DLGAP2: variants seen among roughly 807,000 people sequenced by gnomAD.
DLGAP2 encodes the protein disks large-associated protein 2.
DLGAP2 carries 26 observed loss-of-function variants against 100.3 expected under a neutral mutation model. That is an observed-to-expected ratio of 0.26 (90% CI 0.19 to 0.36). The LOEUF is 0.36. Ranked by LOEUF, DLGAP2 falls within the 10% of genes least tolerant of loss-of-function variation. The probability of loss-of-function intolerance (pLI) is 1.00; values close to 1 mark genes in which losing one functional copy is unlikely to be tolerated. For missense variants in DLGAP2, 1,858 were observed against 1,453.2 expected, an observed-to-expected ratio of 1.28 and a Z score of -4.53; for synonymous variants, 886 against 630.1, an observed-to-expected ratio of 1.41 and a Z score of -6.08.
rs773233596 is a variant in DLGAP2, at chr8:1,549,667, C to G, written c.1214C>G (p.Pro405Arg). Residue 405 changes from proline (P) to arginine (R), a missense_variant, in exon 5 of 15, where the codon CCG becomes CGG. Physicochemically the swap from Pro to Arg is moderately radical, Grantham distance 103. Coordinates refer to ENST00000637795, the MANE Select transcript of DLGAP2 (RefSeq NM_001346810.2). ...CAGGACGCCAAGCCCGCCCTGAGGC[C>G]GTGCCACTACCTCCAGGTAAGCAGG... The part of the protein sequence containing the change: ...LHQDAKPALR[P>R]CHYLQVPQDE... The G allele has an allele frequency of 1.5e-5, 23 of 1,552,976 alleles. No individual in the cohort carries two copies. Among genetic ancestry groups the G allele is most frequent in the Middle Eastern group, 1.7e-4 (1 of 6,004 alleles).
At chr8:1,499,286 G>T (rs1563184866) in intron 3 of DLGAP2, among the ~76,000 whole-genome samples, 1 of 152,220 alleles carries the variant, frequency 6.6e-6, no homozygotes, top group African/African-American at 2.4e-5. Flanking sequence ...ACTGGGTGAT[G>T]TTGGCCCATC....
intron 3 of DLGAP2, among the ~76,000 whole-genome samples, chr8:1,481,968 G>A (rs893483875): frequency 6.6e-6 from 1 of 152,214 alleles, no homozygotes; most frequent in Non-Finnish European, 1.5e-5. Context: ...GGCCAGGTAG[G>A]AGGGGCCCCA....
intron 1 of DLGAP2, among the ~76,000 whole-genome samples, chr8:787,217 C>G (rs1821891413): frequency 6.6e-6 from 1 of 152,164 alleles, no homozygotes; most frequent in Non-Finnish European, 1.5e-5. Flanking sequence ...TGCTGTATGT[C>G]TTTCCTGTCT....
At chr8:844,294 G>A (rs948064822) in intron 1 of DLGAP2, among the ~76,000 whole-genome samples, 2 of 152,156 alleles carry the variant, frequency 1.3e-5, no homozygotes, top group African/African-American at 4.8e-5. Flanking sequence ...TTATTGAACT[G>A]TAACATACCT....
chr8:1,543,576 C>G (rs937878650), intron 4 of DLGAP2, among the ~76,000 whole-genome samples: 5 of 152,226 alleles, frequency 3.3e-5, no homozygotes, highest in African/African-American at 9.6e-5. Flanking sequence ...CTTTTGATTA[C>G]TATCACTTTG....
At chr8:744,482 T>G (rs1820565746) in intron 1 of DLGAP2, among the ~76,000 whole-genome samples, 1 of 152,188 alleles carries the variant, frequency 6.6e-6, no homozygotes, top group Admixed American at 6.5e-5. Context: ...TCCCTCCCTC[T>G]TCTCCGGCCA....
intron 3 of DLGAP2, among the ~76,000 whole-genome samples, chr8:1,260,278 A>G (rs1289976593): frequency 2.6e-5 from 4 of 151,944 alleles, no homozygotes; most frequent in Non-Finnish European, 4.4e-5. Flanking sequence ...TCATGCTTTG[A>G]GTTCATTTTT....
intron 3 of DLGAP2, among the ~76,000 whole-genome samples, chr8:1,469,703 T>G (rs1316284025): frequency 6.6e-6 from 1 of 152,206 alleles, no homozygotes; most frequent in African/African-American, 2.4e-5. Context: ...GAGAATTCTT[T>G]TTTGTATTAA....
intron 2 of DLGAP2, among the ~76,000 whole-genome samples, chr8:1,005,293 A>C (rs1563139482): frequency 6.6e-6 from 1 of 151,846 alleles, no homozygotes; most frequent in Non-Finnish European, 1.5e-5. Context: ...TGTGACTTCT[A>C]CTCAGAAAGT....
intron 2 of DLGAP2, among the ~76,000 whole-genome samples, chr8:1,121,410 C>A (rs1440266247): frequency 1.3e-5 from 2 of 151,702 alleles, no homozygotes. Context: ...CCATCCTCTT[C>A]CCTTCAGAAC....
intron 2 of DLGAP2, among the ~76,000 whole-genome samples, chr8:1,010,348 C>T (rs376589694): frequency 6.6e-6 from 1 of 152,146 alleles, no homozygotes; most frequent in African/African-American, 2.4e-5. Flanking sequence ...TATGCACACA[C>T]ATGCACACAC....
intron 3 of DLGAP2, among the ~76,000 whole-genome samples, chr8:1,412,497 A>C (rs1472714850): frequency 1.3e-5 from 2 of 152,178 alleles, no homozygotes; most frequent in Admixed American, 1.3e-4. Flanking sequence ...CTGCTACTTG[A>C]CCTGCAGAAT....
At chr8:1,029,299 G>C (rs1244959181) in intron 2 of DLGAP2, among the ~76,000 whole-genome samples, 1 of 152,206 alleles carries the variant, frequency 6.6e-6, no homozygotes, top group Non-Finnish European at 1.5e-5. Flanking sequence ...TGGGATATTA[G>C]GGCGAGAAGA....
intron 4 of DLGAP2, among the ~76,000 whole-genome samples, chr8:1,531,235 CGTGTGCGT>C (rs1490120931): frequency 6.4e-5 from 9 of 140,226 alleles, no homozygotes; most frequent in South Asian, 2.3e-4. Flanking sequence ...TATTAGAGAG[CGTGTGCGT>C]GTGTGTGTGT....
At chr8:880,446 C>T (rs1242504252) in intron 1 of DLGAP2, among the ~76,000 whole-genome samples, 1 of 152,228 alleles carries the variant, frequency 6.6e-6, no homozygotes, top group Non-Finnish European at 1.5e-5. Context: ...CAGTGTGTGT[C>T]CCCTCTCCAG....
chr8:805,215 C>G (rs1261312263), intron 1 of DLGAP2, among the ~76,000 whole-genome samples: 1 of 152,150 alleles, frequency 6.6e-6, no homozygotes, highest in Non-Finnish European at 1.5e-5. Flanking sequence ...TTTCATGAAG[C>G]TCTGTCAGTG....
chr8:1,051,525 G>A (rs73180675), intron 2 of DLGAP2, among the ~76,000 whole-genome samples: 3,545 of 152,276 alleles, frequency 0.023, 41 homozygotes, highest in Admixed American at 0.032. Context: ...GATGACATAC[G>A]CAGAGTATTT....
At chr8:1,107,022 G>A (rs1585066235) in intron 2 of DLGAP2, among the ~76,000 whole-genome samples, 1 of 152,200 alleles carries the variant, frequency 6.6e-6, no homozygotes, top group Non-Finnish European at 1.5e-5. Flanking sequence ...CCTGTATACA[G>A]CATCTAGCAG....
chr8:1,313,140 A>C (rs117490204), intron 3 of DLGAP2, among the ~76,000 whole-genome samples: 1 of 152,152 alleles, frequency 6.6e-6, no homozygotes, highest in Admixed American at 6.5e-5. Context: ...ACATTTACCT[A>C]TGTCTGTTTA....
Sources: gnomAD v4.1 joint callset for allele counts (sites outside exome capture counted in the v4.1 genomes callset) on GRCh38, gnomAD v4.1.1 for gene constraint, MANE v1.5 for transcripts, NCBI Gene and HGNC (gene_info 2026-07-23, HGNC 2026-07-21) for gene names.